Variants in SYNPR observed in about 807,000 individuals in gnomAD.
SYNPR encodes the protein synaptoporin.
A neutral mutation model predicts 32.9 loss-of-function variants in SYNPR; 23 were observed. The observed-to-expected ratio is 0.70, with a 90% CI of 0.50 to 0.99. The LOEUF is 0.99. Ranked by LOEUF, SYNPR falls within the 50% of genes least tolerant of loss-of-function variation. SYNPR has a pLI of 0.00. For synonymous variants in SYNPR, 146 were observed against 135.9 expected, an observed-to-expected ratio of 1.07 and a Z score of -0.52; for missense variants, 318 against 349.3, an observed-to-expected ratio of 0.91 and a Z score of 0.71.
At chr3:63,286,039 C>G (rs1427517446) in intron 2 of SYNPR, among the ~76,000 whole-genome samples, 13 of 152,174 alleles carry the variant, frequency 8.5e-5, no homozygotes, top group African/African-American at 2.9e-4. Flanking sequence ...AAGTTAAAGT[C>G]TTGGCAAAAC....
At chr3:63,510,131 A>G (rs1200664248) in intron 3 of SYNPR, among the ~76,000 whole-genome samples, 5 of 152,120 alleles carry the variant, frequency 3.3e-5, no homozygotes, top group Admixed American at 1.3e-4. Flanking sequence ...TAAGGGGGGA[A>G]CAAAAATTAC....
At chr3:63,462,118 C>G (rs1395989792) in intron 2 of SYNPR, among the ~76,000 whole-genome samples, 1 of 151,992 alleles carries the variant, frequency 6.6e-6, no homozygotes, top group Non-Finnish European at 1.5e-5. Flanking sequence ...TCTTGCCCTT[C>G]ACAGAATTTT....
At chr3:63,239,466 A>G (rs78810920) in intron 1 of SYNPR, among the ~76,000 whole-genome samples, 8,793 of 51,886 alleles carry the variant, frequency 0.17, 19 homozygotes, top group Non-Finnish European at 0.2. Context: ...AGTGCATGGT[A>G]GAATGGGCAC....
intron 2 of SYNPR, among the ~76,000 whole-genome samples, chr3:63,468,585 G>C (rs1026956262): frequency 2.6e-5 from 4 of 152,046 alleles, no homozygotes; most frequent in Admixed American, 6.5e-5. Flanking sequence ...GCAGGCGTTT[G>C]AGATCAGGAG....
chr3:63,576,284 C>T (rs1423465930), intron 4 of SYNPR, among the ~76,000 whole-genome samples: 1 of 152,116 alleles, frequency 6.6e-6, no homozygotes, highest in Non-Finnish European at 1.5e-5. Flanking sequence ...TTCCAATTGG[C>T]TTCCTCTGAG....
intron 2 of SYNPR, among the ~76,000 whole-genome samples, chr3:63,298,154 G>C (rs11714514): frequency 0.12 from 18,403 of 152,146 alleles, 1,233 homozygotes; most frequent in Non-Finnish European, 0.16. Context: ...TTGTTTTAAA[G>C]TTAAACTATA....
intron 3 of SYNPR, among the ~76,000 whole-genome samples, chr3:63,544,705 A>G (rs1053429208): frequency 4.6e-5 from 7 of 152,124 alleles, no homozygotes; most frequent in Admixed American, 4.6e-4. Context: ...TTTAAAATCT[A>G]CTTTCTAAAA....
At chr3:63,601,169 A>G (rs553069575) in intron 4 of SYNPR, among the ~76,000 whole-genome samples, 2 of 152,098 alleles carry the variant, frequency 1.3e-5, no homozygotes, top group African/African-American at 2.4e-5. Flanking sequence ...CTACTTGGGA[A>G]GGCTGAGGGA....
chr3:63,233,223 C>A (rs1303081367), intron 1 of SYNPR, among the ~76,000 whole-genome samples: 1 of 152,206 alleles, frequency 6.6e-6, no homozygotes, highest in Non-Finnish European at 1.5e-5. Context: ...GACAGCCCAG[C>A]AGATTCTTAA....
At chr3:63,415,131 A>G (rs1264034667) in intron 2 of SYNPR, among the ~76,000 whole-genome samples, 3 of 152,194 alleles carry the variant, frequency 2.0e-5, no homozygotes, top group African/African-American at 7.2e-5. Flanking sequence ...TTCTTTTCCT[A>G]CTTTTTACTG....
intron 2 of SYNPR, among the ~76,000 whole-genome samples, chr3:63,403,255 G>A (rs2088315707): frequency 6.6e-6 from 1 of 152,066 alleles, no homozygotes; most frequent in African/African-American, 2.4e-5. Context: ...CTATGAGTTT[G>A]CCTAAATGAA....
At chr3:63,565,355 T>C (rs545456877) in intron 4 of SYNPR, among the ~76,000 whole-genome samples, 1 of 152,268 alleles carries the variant, frequency 6.6e-6, no homozygotes, top group East Asian at 1.9e-4. Flanking sequence ...GGCTGGAAAG[T>C]CCAAGATCAA....
the SYNPR span, among the ~76,000 whole-genome samples, chr3:63,221,523 T>A: frequency 2.0e-5 from 3 of 152,132 alleles, no homozygotes; most frequent in Non-Finnish European, 4.4e-5. Context: ...GGAGTAGAAC[T>A]CCCAGCAAAG....
intron 1 of SYNPR, among the ~76,000 whole-genome samples, chr3:63,242,449 G>A (rs906829278): frequency 6.6e-6 from 1 of 152,028 alleles, no homozygotes; most frequent in Non-Finnish European, 1.5e-5. Flanking sequence ...ATATATCCAG[G>A]GTTGAGGCTA....
chr3:63,474,386 G>C (rs1263539983), intron 2 of SYNPR, among the ~76,000 whole-genome samples: 1 of 152,140 alleles, frequency 6.6e-6, no homozygotes, highest in Admixed American at 6.5e-5. Context: ...GCTATCAGCA[G>C]GGCATCAACA....
chr3:63,448,546 A>G (rs1409794510), intron 2 of SYNPR, among the ~76,000 whole-genome samples: 1 of 152,218 alleles, frequency 6.6e-6, no homozygotes, highest in Admixed American at 6.5e-5. Context: ...AGGAAAATGG[A>G]TAAGATTTTC....
At chr3:63,352,914 T>A (rs113141589) in intron 2 of SYNPR, among the ~76,000 whole-genome samples, 26,550 of 152,074 alleles carry the variant, frequency 0.17, 2,482 homozygotes, top group Non-Finnish European at 0.19. Flanking sequence ...TTCAATTACC[T>A]CCCACCGGGT....
chr3:63,378,158 A>T (rs534764890), intron 2 of SYNPR, among the ~76,000 whole-genome samples: 1 of 151,990 alleles, frequency 6.6e-6, no homozygotes, highest in South Asian at 2.1e-4. Flanking sequence ...TTGATCTAGT[A>T]TAATATTTTG....
chr3:63,252,270 T>C (rs148039983), intron 1 of SYNPR, among the ~76,000 whole-genome samples: 2 of 152,190 alleles, frequency 1.3e-5, no homozygotes, highest in African/African-American at 4.8e-5. Flanking sequence ...TATTATTTTA[T>C]AAAGGTTTCT....
Sources: gnomAD v4.1 joint callset for allele counts (sites outside exome capture counted in the v4.1 genomes callset) on GRCh38, gnomAD v4.1.1 for gene constraint, MANE v1.5 for transcripts, NCBI Gene and HGNC (gene_info 2026-07-23, HGNC 2026-07-21) for gene names.